The following DPYD variants were observed in gnomAD, a reference collection of about 807,000 sequenced individuals.
DPYD encodes the protein dihydropyrimidine dehydrogenase [NADP(+)].
DPYD carries 109 observed loss-of-function variants against 116.2 expected under a neutral mutation model. The observed-to-expected ratio is 0.94, with a 90% CI of 0.80 to 1.10. DPYD has a LOEUF of 1.10. Ranked by LOEUF, DPYD falls within the 50% of genes least tolerant of loss-of-function variation. The probability of loss-of-function intolerance (pLI) is 0.00; values close to 1 mark genes in which losing one functional copy is unlikely to be tolerated. For synonymous variants in DPYD, 440 were observed against 432.0 expected (o/e 1.02, Z -0.23); for missense variants, 1,302 against 1,254.5 (o/e 1.04, Z -0.57).
intron 8 of DPYD, among the ~76,000 whole-genome samples, chr1:97,666,378 G>C (rs936765443): frequency 2.6e-5 from 4 of 151,906 alleles, no homozygotes; most frequent in Admixed American, 2.6e-4. Context: ...AGGCTGGTCT[G>C]GAACTCTTGG....
intron 16 of DPYD, among the ~76,000 whole-genome samples, chr1:97,341,700 A>G (rs958962979): frequency 2.6e-5 from 4 of 152,188 alleles, no homozygotes; most frequent in African/African-American, 9.6e-5. Context: ...CTGGTCAGCC[A>G]TTTTATCACT....
intron 18 of DPYD, among the ~76,000 whole-genome samples, chr1:97,236,798 A>G (rs961529275): frequency 1.3e-5 from 2 of 152,338 alleles, no homozygotes; most frequent in East Asian, 3.9e-4. Context: ...CAACAAATGT[A>G]TCACTCTAGT....
chr1:97,290,815 C>T (rs888982448), intron 18 of DPYD, among the ~76,000 whole-genome samples: 1 of 152,168 alleles, frequency 6.6e-6, no homozygotes, highest in African/African-American at 2.4e-5. Context: ...GCAATGGCAA[C>T]AAAAGCCAGA....
rs151074666 is a variant in DPYD, at chr1:97,079,056, C to T, written c.2998G>A (p.Asp1000Asn). The change falls in exon 23 of 23, where the codon GAC (aspartate) becomes AAC (asparagine). Residue 1000 changes from aspartate (D) to asparagine (N), a missense_variant. Asp to Asn is a conservative substitution (Grantham distance 23, BLOSUM62 1). Coordinates refer to ENST00000370192, the MANE Select transcript of DPYD (RefSeq NM_000110.4). ...TLCLSVCPIVDCIKMVSRTTP... is the reference protein window; with the variant it reads ...TLCLSVCPIVNCIKMVSRTTP... ...GTCCTGGAAACCATTTTGATGCAGT[C>T]GACAATAGGGCAAACACTGAGACAC... 63 of 1,613,466 alleles carry T rather than the reference C, an allele frequency of 3.9e-5. No homozygotes were observed. In the African/African-American group the frequency reaches 6.0e-4, roughly 15 times the overall value.
intron 2 of DPYD, among the ~76,000 whole-genome samples, chr1:97,841,304 T>C (rs1298901127): frequency 6.6e-6 from 1 of 152,086 alleles, no homozygotes; most frequent in Non-Finnish European, 1.5e-5. Context: ...CTGATCCTTT[T>C]ATGAGATTAT....
chr1:97,303,251 T>C (rs1328970031), intron 18 of DPYD, among the ~76,000 whole-genome samples: 3 of 152,016 alleles, frequency 2.0e-5, no homozygotes, highest in African/African-American at 7.2e-5. Flanking sequence ...TTAAACTCTA[T>C]TTAGTTTTCA....
chr1:97,284,016 C>T (rs776353726), intron 18 of DPYD, among the ~76,000 whole-genome samples: 1 of 152,208 alleles, frequency 6.6e-6, no homozygotes, highest in South Asian at 2.1e-4. Context: ...GATATAATAC[C>T]TTAAGCATCA....
intron 12 of DPYD, among the ~76,000 whole-genome samples, chr1:97,522,699 A>G (rs367950247): frequency 4.1e-5 from 6 of 147,086 alleles, no homozygotes; most frequent in Non-Finnish European, 9.0e-5. Flanking sequence ...AGCCTGGGCA[A>G]CAAGTGAGAC....
chr1:97,386,141 C>T (rs967845154), intron 14 of DPYD, among the ~76,000 whole-genome samples: 4 of 152,084 alleles, frequency 2.6e-5, no homozygotes, highest in Non-Finnish European at 5.9e-5. Flanking sequence ...AAGCACTACC[C>T]TGTTCTCCTT....
intron 5 of DPYD, among the ~76,000 whole-genome samples, chr1:97,716,893 C>T (rs1662646699): frequency 6.6e-6 from 1 of 151,900 alleles, no homozygotes; most frequent in South Asian, 2.1e-4. Flanking sequence ...AAACAAAATA[C>T]ATTTTATCAA....
At chr1:97,451,944 T>TACAC (rs1183229280) in intron 13 of DPYD, among the ~76,000 whole-genome samples, 2 of 152,134 alleles carry the variant, frequency 1.3e-5, no homozygotes, top group Non-Finnish European at 2.9e-5. Context: ...ACAGGATTTC[T>TACAC]TAGCCAAGGA....
At chr1:97,361,440 C>T (rs1041124901) in intron 16 of DPYD, among the ~76,000 whole-genome samples, 5 of 152,164 alleles carry the variant, frequency 3.3e-5, no homozygotes, top group Non-Finnish European at 7.3e-5. Context: ...GGGAATCCTC[C>T]GTAACTCATC....
chr1:97,373,682 C>A, intron 15 of DPYD, 38 bp from the exon 16 acceptor site: 1 of 1,575,558 alleles, frequency 6.3e-7, no homozygotes, highest in South Asian at 1.1e-5. Context: ...AAAGGCAAAG[C>A]TTTATTTATA....
chr1:97,138,553 A>G (rs772922383), intron 20 of DPYD, among the ~76,000 whole-genome samples: 18 of 152,138 alleles, frequency 1.2e-4, no homozygotes, highest in Non-Finnish European at 2.2e-4. Flanking sequence ...GCTGGTGAGC[A>G]GTTGTGTTGT....
At chr1:97,492,011 T>A (rs1679003765) in intron 13 of DPYD, among the ~76,000 whole-genome samples, 1 of 152,108 alleles carries the variant, frequency 6.6e-6, no homozygotes, top group African/African-American at 2.4e-5. Context: ...CTCAAAAAGA[T>A]CTCTTCTGAT....
At chr1:97,147,082 G>C (rs181648425) in intron 20 of DPYD, among the ~76,000 whole-genome samples, 17 of 152,294 alleles carry the variant, frequency 1.1e-4, no homozygotes, top group Admixed American at 8.5e-4. Flanking sequence ...AGGTGCAGTG[G>C]CTCACGCCTG....
At chr1:97,658,528 T>G (rs1403630441) in intron 8 of DPYD, among the ~76,000 whole-genome samples, 5 of 152,180 alleles carry the variant, frequency 3.3e-5, no homozygotes, top group Admixed American at 1.3e-4. Context: ...TTTAATGTTC[T>G]CATTAAAGTT....
At chr1:97,424,338 G>A (rs1674747252) in intron 14 of DPYD, among the ~76,000 whole-genome samples, 1 of 151,912 alleles carries the variant, frequency 6.6e-6, no homozygotes, top group African/African-American at 2.4e-5. Context: ...ATGGAAACAG[G>A]GTAGAAATTT....
intron 3 of DPYD, among the ~76,000 whole-genome samples, chr1:97,805,648 C>A (rs1668044178): frequency 6.6e-6 from 1 of 151,542 alleles, no homozygotes; most frequent in Non-Finnish European, 1.5e-5. Flanking sequence ...GGATAAACCA[C>A]AACACCATAT....
Sources: gnomAD v4.1 joint callset for allele counts (sites outside exome capture counted in the v4.1 genomes callset) on GRCh38, gnomAD v4.1.1 for gene constraint, MANE v1.5 for transcripts, NCBI Gene and HGNC (gene_info 2026-07-23, HGNC 2026-07-21) for gene names.